LRRC36: variants seen among roughly 807,000 people sequenced by gnomAD.
LRRC36 encodes leucine-rich repeat-containing protein 36.
LRRC36 carries 62 observed loss-of-function variants against 81.1 expected under a neutral mutation model. The ratio of observed to expected loss-of-function variants is 0.76; its 90% CI spans 0.62 to 0.94. The LOEUF (loss-of-function observed/expected upper bound fraction) is 0.94. LRRC36 is among the 40% of genes least tolerant of loss of function. The probability of loss-of-function intolerance (pLI) is 0.00; values close to 1 mark genes in which losing one functional copy is unlikely to be tolerated. For synonymous variants in LRRC36, 334 were observed against 348.6 expected, an observed-to-expected ratio of 0.96 and a Z score of 0.47; for missense variants, 761 against 881.7, an observed-to-expected ratio of 0.86 and a Z score of 1.73.
intron 5 of LRRC36, among the ~76,000 whole-genome samples, chr16:67,362,802 G>A (rs962051387): frequency 3.3e-5 from 5 of 151,794 alleles, no homozygotes; most frequent in African/African-American, 1.2e-4. Flanking sequence ...TATTGAGATA[G>A]AGTCTCACTG....
chr16:67,352,152 G>A (rs985824190), intron 5 of LRRC36, among the ~76,000 whole-genome samples: 23 of 152,120 alleles, frequency 1.5e-4, no homozygotes, highest in African/African-American at 5.6e-4. Flanking sequence ...TTGCTAGAGG[G>A]CCCATTTCTA....
In LRRC36 at chr16:67,327,441, C is replaced by T. The variant is rs540303447; in HGVS notation, c.70+509C>T. Among the ~76,000 whole-genome samples, 33 of 152,078 alleles carry T rather than the reference C, an allele frequency of 2.2e-4. No homozygotes were observed. The East Asian group carries it at 6.2e-3, about 29-fold the overall frequency. On this transcript the variant is annotated intron_variant, in intron 1 of 13. Coordinates refer to ENST00000329956, the MANE Select transcript of LRRC36 (RefSeq NM_018296.6). Reference sequence around the variant, plus strand: ...CCGGGAGGCGGAGGTTGCAGTTAGCCGAGATCGCACCACTGCACTGCAGCC... The same window carrying T: ...CCGGGAGGCGGAGGTTGCAGTTAGCTGAGATCGCACCACTGCACTGCAGCC...
intron 4 of LRRC36, 53 bp from the exon 5 acceptor site, chr16:67,350,149 T>C: frequency 1.5e-6 from 2 of 1,306,916 alleles, no homozygotes; most frequent in South Asian, 2.5e-5. Flanking sequence ...ACTGGTGATC[T>C]CAGAAGCCTT....
At chr16:67,379,999 T>G (rs889010609) in intron 12 of LRRC36, among the ~76,000 whole-genome samples, 1 of 152,096 alleles carries the variant, frequency 6.6e-6, no homozygotes, top group African/African-American at 2.4e-5. Context: ...TATATAATAT[T>G]TAGAATAAAA....
intron 1 of LRRC36, chr16:67,336,731 G>A (rs991570357): frequency 6.6e-6 from 1 of 151,536 alleles, no homozygotes; most frequent in African/African-American, 2.4e-5. Flanking sequence ...GAGACTACAG[G>A]TATGTGCCAC....
At chr16:67,375,106 G>C in intron 9 of LRRC36, 141 bp from the exon 10 acceptor site, 1 of 849,442 alleles carries the variant, frequency 1.2e-6, no homozygotes, top group Non-Finnish European at 1.8e-6. Flanking sequence ...CAGCCTGGGT[G>C]ACAGAGCGAG....
In LRRC36 at chr16:67,365,307, C is replaced by T. The variant is rs1393809085; in HGVS notation, c.706C>T (p.Gln236Ter). ...TAAACTTTCGAACTTTTTTTAGACA[C>T]AGGAAGTAGCAAGAAGGGAGATGCC... is the stretch of plus-strand genomic sequence containing the variant. ...LDTFPLGTQT[Q>*]EVARREMPSD... Residue 236 changes from glutamine to a stop codon, truncating the protein, a stop_gained, in exon 7 of 14, where the codon CAG becomes TAG. Coordinates refer to ENST00000329956, the MANE Select transcript of LRRC36 (RefSeq NM_018296.6). LOFTEE classifies it high-confidence loss of function. 1.9e-6 allele frequency: 3 copies of T among 1,612,626 alleles called. No homozygotes were observed. The highest frequency in any genetic ancestry group is 2.5e-6 in the Non-Finnish European group (3 of 1,179,240).
At chr16:67,384,309 C>G (rs2040214633) in intron 13 of LRRC36, among the ~76,000 whole-genome samples, 1 of 152,140 alleles carries the variant, frequency 6.6e-6, no homozygotes, top group African/African-American at 2.4e-5. Context: ...TGGTGCACAC[C>G]TGTAATCCCA....
Position 67,342,017 on chromosome 16 carries a change from A to G in LRRC36, c.131A>G (p.Asp44Gly), listed in dbSNP as rs1394987609. ...SYAGKIHSIG[D>G]AFRNFKNLRS... ...GCTGGCAAAATCCATTCCATTGGTG[A>G]TGCCTTCAGAAATTTTAAAAATCTC... is the stretch of plus-strand genomic sequence containing the variant. The change falls in exon 2 of 14, where the codon GAT becomes GGT. Residue 44 changes from aspartate to glycine, a missense_variant. Asp to Gly is a moderately conservative substitution (Grantham distance 94). Around this residue, in one of 3 missense-constraint regions of LRRC36, gnomAD observed 263 missense variants for 279.3 expected, o/e 0.94. Transcript: ENST00000329956. 1 of 1,609,452 alleles carries G rather than the reference A, an allele frequency of 6.2e-7. No individual in the cohort carries two copies. Among genetic ancestry groups the G allele is most frequent in the South Asian group, 1.1e-5 (1 of 90,746 alleles).
intron 1 of LRRC36, among the ~76,000 whole-genome samples, chr16:67,338,200 A>G (rs1328547765): frequency 6.6e-6 from 1 of 152,126 alleles, no homozygotes. Context: ...TTATTAATTT[A>G]TTAATAGGTA....
chr16:67,358,592 A>G (rs918575385), intron 5 of LRRC36, among the ~76,000 whole-genome samples: 1 of 151,202 alleles, frequency 6.6e-6, no homozygotes, highest in African/African-American at 2.4e-5. Context: ...GCCTGAAGCG[A>G]CCCTCACACC....
At chr16:67,347,734 T>C in intron 4 of LRRC36, 143 bp downstream of exon 4, 1 of 601,632 alleles carries the variant, frequency 1.7e-6, no homozygotes. Context: ...GTATTTATTC[T>C]GCAAACTGAG....
intron 6 of LRRC36, among the ~76,000 whole-genome samples, chr16:67,364,315 A>G (rs551970287): frequency 8.5e-5 from 13 of 152,354 alleles, no homozygotes; most frequent in African/African-American, 2.4e-4. Context: ...GTGTGAGTGA[A>G]TATGATACAA....
chr16:67,366,957 C>A (rs1221568740), intron 7 of LRRC36, 60 bp from the exon 8 acceptor site: 2 of 1,371,702 alleles, frequency 1.5e-6, no homozygotes, highest in South Asian at 1.4e-5. Flanking sequence ...CAGAGGTACT[C>A]CCAGCTAGGC....
chr16:67,367,486 T>G (rs1250944287), intron 8 of LRRC36, 29 bp downstream of exon 8: 9 of 1,567,506 alleles, frequency 5.7e-6, no homozygotes, highest in Non-Finnish European at 7.8e-6. Flanking sequence ...TTTACAGGTC[T>G]TCTTCATAGG....
chr16:67,363,457 G>A (rs2039250077), intron 5 of LRRC36, 133 bp from the exon 6 acceptor site: 1 of 731,706 alleles, frequency 1.4e-6, no homozygotes, highest in African/African-American at 1.8e-5. Flanking sequence ...TCAAATTCAT[G>A]TGGTCTCCAA....
At chr16:67,366,755 A>G (rs1483567747) in intron 7 of LRRC36, among the ~76,000 whole-genome samples, 2 of 151,976 alleles carry the variant, frequency 1.3e-5, no homozygotes, top group Non-Finnish European at 2.9e-5. Flanking sequence ...GTCTCAAAAA[A>G]AAAAAAGAAA....
intron 9 of LRRC36, among the ~76,000 whole-genome samples, chr16:67,373,210 C>T (rs930711787): frequency 6.6e-6 from 1 of 151,938 alleles, no homozygotes; most frequent in Non-Finnish European, 1.5e-5. Context: ...AATAAACAAA[C>T]AAATAAATAA....
At chr16:67,346,131 G>T in intron 2 of LRRC36, 125 bp from the exon 3 acceptor site, 1 of 601,840 alleles carries the variant, frequency 1.7e-6, no homozygotes, top group Non-Finnish European at 2.8e-6. Context: ...TTCCAGCCCT[G>T]CCTTTCTCAC....
Sources: gnomAD v4.1 joint callset for allele counts (sites outside exome capture counted in the v4.1 genomes callset) on GRCh38, gnomAD v4.1.1 for gene constraint, gnomAD v4.1.1 regional missense constraint, MANE v1.5 for transcripts, NCBI Gene and HGNC (gene_info 2026-07-23, HGNC 2026-07-21) for gene names.